Variants in PEX6 observed in about 807,000 individuals in gnomAD.
PEX6 encodes the protein peroxisome biogenesis factor 6.
Under a neutral mutation model 85.6 loss-of-function variants are expected in PEX6, and 55 were observed. The observed-to-expected ratio is 0.64, with a 90% CI of 0.52 to 0.80. The LOEUF (loss-of-function observed/expected upper bound fraction) is 0.80. Among genes scored for constraint, PEX6 ranks in the 30% least tolerant of loss-of-function variants. The pLI, the probability that PEX6 is intolerant of heterozygous loss-of-function variation, is 0.00. For missense variants in PEX6, 1,099 were observed against 1,260.3 expected (o/e 0.87, Z 1.94); for synonymous variants, 519 against 549.1 (o/e 0.95, Z 0.77).
At chr6:42,967,653 G>A in intron 7 of PEX6, 90 bp from the exon 8 acceptor site, 1 of 1,220,428 alleles carries the variant, frequency 8.2e-7, no homozygotes, top group South Asian at 1.3e-5. Flanking sequence ...AGAAGGGCAG[G>A]GAAGTGAGGT....
chr6:42,978,827 A>T lies in PEX6; in HGVS notation c.324T>A (p.Leu108=). 2 of 1,532,806 alleles carry T rather than the reference A, an allele frequency of 1.3e-6. No homozygotes were observed. The highest frequency in any genetic ancestry group is 1.7e-6 in the Non-Finnish European group (2 of 1,146,060). 95.0% of individuals were successfully genotyped at this position (1,532,806 alleles called of 1,614,324 possible). ...RRPPALGWAL[L]GTSLGPGLGP... Reference sequence around the variant, plus strand: ...CGAGCCCAGGCCCCAGCGAGGTGCCAAGCAGTGCCCAACCTAGCGCCGGGG... The same window carrying T: ...CGAGCCCAGGCCCCAGCGAGGTGCCTAGCAGTGCCCAACCTAGCGCCGGGG... The change falls in exon 1 of 17, where the codon CTT becomes CTA. Residue 108 remains leucine (L), a synonymous_variant. Transcript: ENST00000304611.
At chr6:42,977,251 CTTTT>C (rs1554128216) in intron 1 of PEX6, among the ~76,000 whole-genome samples, 1 of 126,676 alleles carries the variant, frequency 7.9e-6, no homozygotes. Flanking sequence ...TGAAACCTCA[CTTTT>C]TTTTTTTTTT....
Position 42,965,061 on chromosome 6 carries a change from C to T in PEX6, c.2666+14G>A, listed in dbSNP as rs540341091. The T allele has an allele frequency of 6.2e-7, 1 of 1,614,068 alleles. No homozygotes were observed. The highest frequency in any genetic ancestry group is 8.5e-7 in the Non-Finnish European group (1 of 1,179,868). ...GGCCCAAGCCCTTCGCAGTCTTCCT[C>T]TAACAGAGCATACTTGCGTGTGATG... On this transcript the variant is annotated intron_variant, in intron 15 of 16. Coordinates refer to ENST00000304611, the MANE Select transcript of PEX6 (RefSeq NM_000287.4). The surrounding 1 kb of genome is among the most constrained non-coding windows in gnomAD (Gnocchi z 5.0).
intron 3 of PEX6, among the ~76,000 whole-genome samples, chr6:42,973,610 T>A (rs886616450): frequency 6.6e-6 from 1 of 152,060 alleles, no homozygotes; most frequent in South Asian, 2.1e-4. Flanking sequence ...CTCAGCACTT[T>A]GGGAGGCCAA....
chr6:42,967,063 G>C (rs573904732), intron 8 of PEX6, among the ~76,000 whole-genome samples: 1 of 145,180 alleles, frequency 6.9e-6, no homozygotes, highest in Non-Finnish European at 1.5e-5. Flanking sequence ...ACTTCCACCC[G>C]GGTTCAAGCG....
chr6:42,973,292 G>A (rs1349297368), intron 3 of PEX6, among the ~76,000 whole-genome samples: 1 of 151,860 alleles, frequency 6.6e-6, no homozygotes, highest in Non-Finnish European at 1.5e-5. Context: ...GATTACAGTC[G>A]TGAGCCACCA....
rs769332435 is a variant in PEX6, at chr6:42,978,400, G to C, written c.751C>G (p.Leu251Val). 12 of 1,614,062 alleles carry C rather than the reference G, an allele frequency of 7.4e-6. No individual in the cohort carries two copies. The Admixed American group carries it at 1.0e-4, about 13-fold the overall frequency. ...GAGCCGGGTCCCAGTCTATCAGAGAGGTCCCAGCGAGGTTCTAGGACCTGC... is the reference window on the plus strand; with the variant it reads ...GAGCCGGGTCCCAGTCTATCAGAGACGTCCCAGCGAGGTTCTAGGACCTGC... ...RVQVLEPRWD[L>V]SDRLGPGSGP... Residue 251 changes from leucine (L) to valine (V), a missense_variant, in exon 1 of 17, where the codon CTC becomes GTC. Transcript: ENST00000304611.
At chr6:42,966,468 G>A in intron 10 of PEX6, 21 bp from the exon 11 acceptor site, 1 of 1,614,126 alleles carries the variant, frequency 6.2e-7, no homozygotes, top group Non-Finnish European at 8.5e-7. Context: ...GAAAGTGCGT[G>A]GTTGGGATAT....
rs944937782 is a variant in PEX6 at position 42,966,412 on chromosome 6, C to T, written c.2130G>A (p.Leu710=). The change falls in exon 11 of 17, where the codon CTG becomes CTA. Residue 710 remains leucine (L), a synonymous_variant. Coordinates refer to ENST00000304611, the MANE Select transcript of PEX6 (RefSeq NM_000287.4). Reference sequence around the variant, plus strand: ...CCAGGATCTCCTTCTTCACCTCCTGCAGCCCACCCACATCATGCCAGGACA... The same window carrying T: ...CCAGGATCTCCTTCTTCACCTCCTGTAGCCCACCCACATCATGCCAGGACA... The part of the protein sequence containing the change: ...PSVSWHDVGG[L]QEVKKEILET... 6.2e-7 allele frequency: 1 copy of T among 1,614,150 alleles called. No individual in the cohort carries two copies. Among genetic ancestry groups the T allele is most frequent in the Non-Finnish European group, 8.5e-7 (1 of 1,180,022 alleles).
Position 42,967,446 on chromosome 6 carries a change from G to A in PEX6, c.1806C>T (p.Leu602=), listed in dbSNP as rs771911649. The A allele has an allele frequency of 1.9e-6, 3 of 1,612,694 alleles. No homozygotes were observed. Among genetic ancestry groups the A allele is most frequent in the Non-Finnish European group, 2.5e-6 (3 of 1,179,726 alleles). Residue 602 remains leucine, a synonymous_variant, in exon 8 of 17, where the codon CTC becomes CTT. Coordinates refer to ENST00000304611, the MANE Select transcript of PEX6 (RefSeq NM_000287.4). The stretch of plus-strand genomic sequence containing the variant: ...GGGCAGTGAGGGCCCGCAGGATGCT[G>A]AGCCGCTGCCCCTCTGACAGAGCAG... ...EVPALSEGQR[L]SILRALTAHL...
In PEX6 at chr6:42,965,041, A is replaced by T; in HGVS notation, c.2666+34T>A. Reference sequence around the variant, plus strand: ...GCATCCCCTAAGCATCCCAAGGCCCAAGCCCTTCGCAGTCTTCCTCTAACA... The same window carrying T: ...GCATCCCCTAAGCATCCCAAGGCCCTAGCCCTTCGCAGTCTTCCTCTAACA... On this transcript the variant is annotated intron_variant, in intron 15 of 16. Coordinates refer to ENST00000304611, the MANE Select transcript of PEX6 (RefSeq NM_000287.4). This position sits in a 1 kb window ranked among gnomAD's most constrained non-coding sequence, Gnocchi z 5.0. The T allele has an allele frequency of 2.5e-6, 4 of 1,612,872 alleles. No individual in the cohort carries two copies. Among genetic ancestry groups the T allele is most frequent in the Non-Finnish European group, 3.4e-6 (4 of 1,178,800 alleles).
chr6:42,974,173 C>A, intron 2 of PEX6, 87 bp from the exon 3 acceptor site: 1 of 1,013,020 alleles, frequency 9.9e-7, no homozygotes, highest in South Asian at 1.3e-5. Flanking sequence ...GACATGCAGA[C>A]TACTTCTTGA....
At position 42,974,799 on chromosome 6, in the gene PEX6, T is replaced by C. The variant is rs545500576; in HGVS notation, c.1046+76A>G. The C allele has an allele frequency of 6.1e-4, 847 of 1,378,344 alleles. 3 individuals are homozygous for C. The African/African-American group carries it at 9.7e-3, about 16-fold the overall frequency. 85.4% of individuals were successfully genotyped at this position (1,378,344 alleles called of 1,614,324 possible). ...CTTTTAACCAGGGCCTCTGGGGTACTTGGTTCTAAGGCATGGGATAGGAGG... is the reference window on the plus strand; with the variant it reads ...CTTTTAACCAGGGCCTCTGGGGTACCTGGTTCTAAGGCATGGGATAGGAGG... On this transcript the variant is annotated intron_variant, in intron 2 of 16. Coordinates refer to ENST00000304611, the MANE Select transcript of PEX6 (RefSeq NM_000287.4).
Position 42,965,193 on chromosome 6 carries a change from C to A in PEX6, c.2589-41G>T, listed in dbSNP as rs1483549133. ...CAGGTATAAGTTTCAGGGAGCCCAG[C>A]CATGAGGGGTGAAGGAGGCACAAAA... On this transcript the variant is annotated intron_variant, in intron 14 of 16. Coordinates refer to ENST00000304611, the MANE Select transcript of PEX6 (RefSeq NM_000287.4). This position sits in a 1 kb window ranked among gnomAD's most constrained non-coding sequence, Gnocchi z 5.0. The A allele has an allele frequency of 2.5e-6, 4 of 1,610,854 alleles. No individual in the cohort carries two copies. The highest frequency in any genetic ancestry group is 3.3e-5 in the Admixed American group (2 of 60,012).
chr6:42,978,548 A>C lies in PEX6; in HGVS notation c.603T>G (p.Thr201=), dbSNP rs775812135. The change falls in exon 1 of 17, where the codon ACT becomes ACG. Residue 201 remains threonine (T), a synonymous_variant. Transcript: ENST00000304611. ...VRRLQGVLGG[T]GDSLGVSRSC... is the part of the protein sequence containing the mutation. ...TCCGGCTCACCCCTAGTGAATCTCC[A>C]GTCCCTCCCAGAACTCCCTGGAGTC... 4 of 1,613,410 alleles carry C rather than the reference A, an allele frequency of 2.5e-6. No individual in the cohort carries two copies. In the African/African-American group the frequency reaches 4.0e-5, roughly 16 times the overall value.
In PEX6 at chr6:42,978,514, G is replaced by T; in HGVS notation, c.637C>A (p.Arg213Ser). 6.2e-7 allele frequency: 1 copy of T among 1,614,150 alleles called. No homozygotes were observed. Among genetic ancestry groups the T allele is most frequent in the Non-Finnish European group, 8.5e-7 (1 of 1,180,026 alleles). The change falls in exon 1 of 17, where the codon CGT becomes AGT. Residue 213 changes from arginine to serine, a missense_variant. This residue lies in a region of PEX6 where 579 missense variants were observed against 611.6 expected (regional missense o/e 0.95). Transcript: ENST00000304611. ...DSLGVSRSCL[R>S]GLGLFQGEWV... is the part of the protein sequence containing the mutation. ...TCGCCCTGGAAGAGGCCAAGGCCAC[G>T]GAGACAGCTCCGGCTCACCCCTAGT...
At chr6:42,967,645 A>G in intron 7 of PEX6, 82 bp from the exon 8 acceptor site, 1 of 1,290,854 alleles carries the variant, frequency 7.7e-7, no homozygotes, top group Admixed American at 2.0e-5. Context: ...GTCGGCACAG[A>G]AGGGCAGGGA....
At position 42,978,454 on chromosome 6, in the gene PEX6, T is replaced by C. The variant is rs374452739; in HGVS notation, c.697A>G (p.Asn233Asp). The C allele has an allele frequency of 3.4e-5, 55 of 1,614,034 alleles. No homozygotes were observed. The highest frequency in any genetic ancestry group is 4.5e-5 in the Non-Finnish European group (53 of 1,180,004). The change falls in exon 1 of 17, where the codon AAC becomes GAC. Residue 233 changes from asparagine (N) to aspartate (D), a missense_variant. Physicochemically the swap from Asn to Asp is conservative, Grantham distance 23 (BLOSUM62 1). This residue lies in a region of PEX6 where 579 missense variants were observed against 611.6 expected (regional missense o/e 0.95). Coordinates refer to ENST00000304611, the MANE Select transcript of PEX6 (RefSeq NM_000287.4). ...VWVAQARESS[N>D]TSQPHLARVQ... ...CTAGCCAAGTGCGGCTGTGAAGTGTTCGATGACTCTCTGGCCTGGGCCACC... is the reference window on the plus strand; with the variant it reads ...CTAGCCAAGTGCGGCTGTGAAGTGTCCGATGACTCTCTGGCCTGGGCCACC...
Position 42,964,120 on chromosome 6 carries a change from G to T in PEX6, c.*215C>A. ...TGAGTAGATGGGCCTTTCTCTTAGAGCCGGCCTGGAAGGAGGGGCAAGTAG... is the reference window on the plus strand; with the variant it reads ...TGAGTAGATGGGCCTTTCTCTTAGATCCGGCCTGGAAGGAGGGGCAAGTAG... On this transcript the variant is annotated 3_prime_UTR_variant, in exon 17 of 17. Coordinates refer to ENST00000304611, the MANE Select transcript of PEX6 (RefSeq NM_000287.4). This position sits in a 1 kb window ranked among gnomAD's most constrained non-coding sequence, Gnocchi z 4.6. The T allele has an allele frequency of 1.6e-6, 1 of 609,954 alleles. No individual in the cohort carries two copies. Among genetic ancestry groups the T allele is most frequent in the Non-Finnish European group, 2.9e-6 (1 of 345,518 alleles). The allele number at this position is 609,954 out of a possible 1,614,324, so 37.8% of individuals were successfully genotyped here.
Sources: gnomAD v4.1 joint callset for allele counts (sites outside exome capture counted in the v4.1 genomes callset) on GRCh38, gnomAD v4.1.1 for gene constraint, gnomAD v4.1.1 regional missense constraint, Gnocchi (gnomAD v3.1) non-coding constraint, MANE v1.5 for transcripts, NCBI Gene and HGNC (gene_info 2026-07-23, HGNC 2026-07-21) for gene names.